The following ANK3 variants were observed in gnomAD, a reference collection of about 807,000 sequenced individuals.
The protein encoded by ANK3 is ankyrin-3.
Under a neutral mutation model 370.9 loss-of-function variants are expected in ANK3, and 57 were observed. The ratio of observed to expected loss-of-function variants is 0.15; its 90% CI spans 0.12 to 0.19. ANK3 has a LOEUF of 0.19. Ranked by LOEUF, ANK3 falls within the 10% of genes least tolerant of loss-of-function variation. ANK3 has a pLI of 1.00. For missense variants in ANK3, 4,439 were observed against 5,302.1 expected (o/e 0.84, Z 5.06); for synonymous variants, 1,929 against 1,946.3 (o/e 0.99, Z 0.23).
intron 1 of ANK3, among the ~76,000 whole-genome samples, chr10:60,328,544 A>C (rs2050430943): frequency 6.6e-6 from 1 of 152,172 alleles, no homozygotes; most frequent in African/African-American, 2.4e-5. Context: ...TCTAGAAGAA[A>C]TGGATAAATT....
chr10:60,057,553 A>G lies in ANK3; in HGVS notation c.12687-1517T>C, dbSNP rs17801842. Reference sequence around the variant, plus strand: ...TCCAAGCATACTGTGAAGATCCTGTAACATATAGCTTTATGACTTTGGTTT... The same window carrying G: ...TCCAAGCATACTGTGAAGATCCTGTGACATATAGCTTTATGACTTTGGTTT... On this transcript the variant is annotated intron_variant, in intron 41 of 43. Transcript: ENST00000280772. Among the ~76,000 whole-genome samples the G allele has an allele frequency of 9.7e-3, 1,473 of 152,292 alleles. 8 individuals are homozygous for G. The highest frequency in any genetic ancestry group is 0.015 in the Non-Finnish European group (1,037 of 68,026).
rs1411354019 is a variant in ANK3, at chr10:60,240,135, TATATATACACATATATATAC to T, written c.799-5369_799-5350del. ...ATATATATACACACATATATATACATATATATACACATATATATACATATATACACATATATATACATATA... is the reference window on the plus strand; with the variant it reads ...ATATATATACACACATATATATACATATATATACACATATATATACATATA... On this transcript the variant is annotated intron_variant, in intron 7 of 43. Transcript: ENST00000280772. 2.9e-3 allele frequency among the ~76,000 whole-genome samples: 359 copies of T among 122,290 alleles called. 4 individuals carry two copies. Among genetic ancestry groups the T allele is most frequent in the African/African-American group, 3.7e-3 (112 of 30,644 alleles). The allele number at this position is 122,290 out of a possible 152,430, so 80.2% of individuals were successfully genotyped here.
At chr10:60,172,475 A>G (rs1306493885) in intron 20 of ANK3, 72 bp from the exon 21 acceptor site, 4 of 1,202,810 alleles carry the variant, frequency 3.3e-6, no homozygotes, top group Non-Finnish European at 4.9e-6. Context: ...TACAAAATGT[A>G]AGGTGAGTGT....
chr10:60,615,133 A>G, intron 2 of ANK3: 1 of 1,202,168 alleles, frequency 8.3e-7, no homozygotes, highest in Non-Finnish European at 1.1e-6. Context: ...GTAAGAAGAA[A>G]CTTGTCCACA....
At chr10:60,397,965 C>A (rs1015644728) in intron 2 of ANK3, among the ~76,000 whole-genome samples, 1 of 152,112 alleles carries the variant, frequency 6.6e-6, no homozygotes, top group Admixed American at 6.6e-5. Context: ...TTCGTTGATT[C>A]AGGCAGATTT....
chr10:60,205,515 A>G (rs913044653), intron 11 of ANK3, among the ~76,000 whole-genome samples: 4 of 152,208 alleles, frequency 2.6e-5, no homozygotes, highest in Admixed American at 1.3e-4. Context: ...AGGATTTGAT[A>G]TAAATTATGC....
Position 60,213,440 on chromosome 10 carries a change from C to T in ANK3, c.968G>A (p.Arg323Gln), listed in dbSNP as rs1465170774. Residue 323 changes from arginine to glutamine, a missense_variant, in exon 9 of 44, where the codon CGA (arginine) becomes CAA (glutamine). Coordinates refer to ENST00000280772, the MANE Select transcript of ANK3 (RefSeq NM_020987.5). ...HEQVVEMLLD[R>Q]AAPILSKTKN... ...GGTTTTTGAAAGAATGGGGGCAGCT[C>T]GATCAAGCAACATTTCTACCACCTG... The T allele has an allele frequency of 3.7e-6, 6 of 1,612,398 alleles. No individual in the cohort carries two copies. The highest frequency in any genetic ancestry group is 4.2e-6 in the Non-Finnish European group (5 of 1,179,164).
chr10:60,419,332 A>G (rs2063732521), intron 2 of ANK3, among the ~76,000 whole-genome samples: 1 of 152,074 alleles, frequency 6.6e-6, no homozygotes, highest in Admixed American at 6.6e-5. Context: ...AATTTAAATG[A>G]TCTCAGAGGC....
intron 1 of ANK3, among the ~76,000 whole-genome samples, chr10:60,305,930 A>G (rs1593395383): frequency 1.3e-5 from 2 of 152,180 alleles, no homozygotes; most frequent in East Asian, 1.9e-4. Flanking sequence ...AACATTTTCC[A>G]TCTCATTTGA....
At chr10:60,157,919 A>AGAGAGG in intron 23 of ANK3, among the ~76,000 whole-genome samples, 1 of 139,052 alleles carries the variant, frequency 7.2e-6, no homozygotes, top group East Asian at 2.0e-4. Context: ...AGAGAGAGAG[A>AGAGAGG]GAGAGGCAGC....
At chr10:60,546,663 C>T (rs1321910674) in intron 2 of ANK3, among the ~76,000 whole-genome samples, 1 of 152,120 alleles carries the variant, frequency 6.6e-6, no homozygotes, top group African/African-American at 2.4e-5. Flanking sequence ...GCCCCTCCTA[C>T]AACAAGCAAC....
rs529204827 is a variant in ANK3, at chr10:60,115,560, T to A, written c.2842-1229A>T. On this transcript the variant is annotated intron_variant, in intron 25 of 43. Transcript: ENST00000280772. The stretch of plus-strand genomic sequence containing the variant: ...ATAAGTGCTTTATAATAACTATGAT[T>A]AGTATGTTTACAAAAACACAGGGAA... Among the ~76,000 whole-genome samples, 7 of 152,280 alleles carry A rather than the reference T, an allele frequency of 4.6e-5. No homozygotes were observed. In the South Asian group the frequency reaches 1.5e-3, roughly 32 times the overall value.
chr10:60,248,754 T>G (rs1330943106), intron 7 of ANK3, among the ~76,000 whole-genome samples: 2 of 152,190 alleles, frequency 1.3e-5, no homozygotes, highest in Non-Finnish European at 2.9e-5. Context: ...ACAGGTAACA[T>G]GGCTAGAAAA....
intron 1 of ANK3, among the ~76,000 whole-genome samples, chr10:60,625,494 G>T (rs911070198): frequency 1.3e-5 from 2 of 152,088 alleles, no homozygotes; most frequent in Non-Finnish European, 1.5e-5. Context: ...CACAAATGAC[G>T]CAAAGAGCTT....
intron 7 of ANK3, among the ~76,000 whole-genome samples, chr10:60,238,075 C>G (rs965018008): frequency 6.6e-6 from 1 of 152,174 alleles, no homozygotes; most frequent in African/African-American, 2.4e-5. Context: ...TCACTTTTTA[C>G]TCCTGAATCA....
rs369930058 is a variant in ANK3 at position 60,389,452 on chromosome 10, G to A, written c.87C>T (p.Arg29=). The A allele has an allele frequency of 1.2e-6, 2 of 1,613,974 alleles. No homozygotes were observed. The highest frequency in any genetic ancestry group is 1.7e-6 in the Non-Finnish European group (2 of 1,179,960). The change falls in exon 1 of 44, where the codon CGC becomes CGT. Residue 29 remains arginine (R), a synonymous_variant. Transcript: ENST00000280772. The part of the protein sequence containing the change: ...EEEPEKKRKH[R]KRSRDRKKKS... ...TTTTCTTCCGATCCCGGGACCGTTT[G>A]CGGTGTTTCCTTTTTTTCTCAGGCT...
intron 2 of ANK3, among the ~76,000 whole-genome samples, chr10:60,437,166 C>T (rs148836594): frequency 6.6e-6 from 1 of 152,264 alleles, no homozygotes; most frequent in East Asian, 1.9e-4. Context: ...GGAAAGTGAA[C>T]ACAGTCTGAG....
Position 60,657,639 on chromosome 10 carries a change from T to C in ANK3, c.58-42415A>G, listed in dbSNP as rs149672033. 3.2e-3 allele frequency among the ~76,000 whole-genome samples: 489 copies of C among 152,304 alleles called. 1 individual carries two copies. Among genetic ancestry groups the C allele is most frequent in the Admixed American group, 6.1e-3 (93 of 15,300 alleles). ...TTGAAACTGGTTTTAGGGCCCAGTA[T>C]ATGGTCTATCTTGTGGAATATTCCA... On this transcript the variant is annotated intron_variant, in intron 1 of 43. Transcript: ENST00000373827.
chr10:60,258,323 G>T (rs1008481673), intron 7 of ANK3, among the ~76,000 whole-genome samples: 20 of 152,186 alleles, frequency 1.3e-4, no homozygotes, highest in African/African-American at 4.1e-4. Flanking sequence ...AGCCTGAATA[G>T]ATCTCCAAGG....
Sources: gnomAD v4.1 joint callset for allele counts (sites outside exome capture counted in the v4.1 genomes callset) on GRCh38, gnomAD v4.1.1 for gene constraint, MANE v1.5 for transcripts, NCBI Gene and HGNC (gene_info 2026-07-23, HGNC 2026-07-21) for gene names.